The following ABCB5 variants were observed in gnomAD, a reference collection of about 807,000 sequenced individuals.
The protein encoded by ABCB5 is ATP-binding cassette sub-family B member 5.
A neutral mutation model predicts 144.2 loss-of-function variants in ABCB5; 155 were observed. That is an observed-to-expected ratio of 1.08 (90% CI 0.94 to 1.23). The LOEUF (loss-of-function observed/expected upper bound fraction) is 1.23, where lower values mean the gene tolerates loss of function less well. ABCB5 is among the 50% of genes most tolerant of loss of function. The pLI is 0.00. For missense variants in ABCB5, 1,830 were observed against 1,520.8 expected (o/e 1.20, Z -3.38); for synonymous variants, 610 against 528.6 (o/e 1.15, Z -2.11).
chr7:20,725,397 G>T (rs187958089), intron 21 of ABCB5, among the ~76,000 whole-genome samples: 10 of 152,314 alleles, frequency 6.6e-5, no homozygotes, highest in Admixed American at 6.5e-4. Context: ...TGACCAACAT[G>T]GTGAAACCCT....
chr7:20,718,367 G>A (rs1202291000), intron 20 of ABCB5, among the ~76,000 whole-genome samples: 1 of 152,134 alleles, frequency 6.6e-6, no homozygotes, highest in Non-Finnish European at 1.5e-5. Flanking sequence ...ATGCCAAATG[G>A]CATCCCCATT....
chr7:20,678,819 G>A (rs1785693340), intron 14 of ABCB5, among the ~76,000 whole-genome samples: 1 of 152,150 alleles, frequency 6.6e-6, no homozygotes, highest in African/African-American at 2.4e-5. Context: ...TACAAAAACA[G>A]ACACAAAACA....
At chr7:20,627,779 T>C (rs1260951463) in intron 3 of ABCB5, among the ~76,000 whole-genome samples, 1 of 152,210 alleles carries the variant, frequency 6.6e-6, no homozygotes, top group East Asian at 1.9e-4. Flanking sequence ...TTTTTACTAG[T>C]TAGCTCTGGT....
rs370537783 is a variant in ABCB5, at chr7:20,626,854, G to GGTGTGTGT, written c.108+274_108+281dup. On this transcript the variant is annotated intron_variant, in intron 3 of 27. Transcript: ENST00000404938. ...CTCAGTGTTTTAAAAGTGTTTTTGG[G>GGTGTGTGT]GTGTGTGTGTGTGTGTGTGTGTGTG... Among the ~76,000 whole-genome samples, 481 of 143,750 alleles carry GGTGTGTGT rather than the reference G, an allele frequency of 3.3e-3. 2 individuals are homozygous for GGTGTGTGT. The highest frequency in any genetic ancestry group is 7.6e-3 in the South Asian group (33 of 4,350). 94.3% of individuals were successfully genotyped at this position (143,750 alleles called of 152,430 possible).
At chr7:20,620,200 C>A (rs1245334170) in intron 1 of ABCB5, among the ~76,000 whole-genome samples, 1 of 152,082 alleles carries the variant, frequency 6.6e-6, no homozygotes, top group Admixed American at 6.5e-5. Context: ...TGGATATCCA[C>A]ATTCAAAAGA....
intron 14 of ABCB5, chr7:20,667,441 T>G (rs988232850): frequency 2.0e-6 from 2 of 985,434 alleles, no homozygotes; most frequent in African/African-American, 3.5e-5. Flanking sequence ...TCTCAGACCT[T>G]TTCTAGTTGC....
chr7:20,644,910 C>A (rs898145711), intron 7 of ABCB5, among the ~76,000 whole-genome samples: 1 of 152,182 alleles, frequency 6.6e-6, no homozygotes, highest in African/African-American at 2.4e-5. Context: ...AAATCTTCAT[C>A]CTCAACTTAT....
chr7:20,745,435 T>G lies in ABCB5; in HGVS notation c.3426T>G (p.Pro1142=), dbSNP rs1371758672. ...TCCATTCTTTTATTGAAGGTCTCCC[T>G]GAGGTAAGAAAATTTCTGAAATCTT... is the stretch of plus-strand genomic sequence containing the variant. ...ANIHSFIEGL[P]EKYNTQVGLK... The change falls in exon 26 of 28, where the codon CCT becomes CCG. Residue 1142 remains proline, a synonymous_variant. Transcript: ENST00000404938. 6.2e-6 allele frequency: 10 copies of G among 1,614,032 alleles called. No individual in the cohort carries two copies. The highest frequency in any genetic ancestry group is 6.8e-6 in the Non-Finnish European group (8 of 1,179,976).
At chr7:20,697,955 T>C (rs1158088951) in intron 16 of ABCB5, among the ~76,000 whole-genome samples, 1 of 152,246 alleles carries the variant, frequency 6.6e-6, no homozygotes, top group Non-Finnish European at 1.5e-5. Context: ...TAAATACATC[T>C]TGAAACTTTC....
chr7:20,663,486 A>T (rs1220274375), intron 14 of ABCB5, among the ~76,000 whole-genome samples: 8 of 152,200 alleles, frequency 5.3e-5, no homozygotes, highest in Non-Finnish European at 1.2e-4. Context: ...AAAACTGACA[A>T]AAAAGGATCC....
rs566554420 is a variant in ABCB5, at chr7:20,640,207, A to G, written c.315-2977A>G. ...GAAAATACAGTAAATTATTTATGAT[A>G]GTTAATGTTCTATTAAAGTTTCTGT... is the stretch of plus-strand genomic sequence containing the variant. On this transcript the variant is annotated intron_variant, in intron 5 of 27. Transcript: ENST00000404938. 2.0e-5 allele frequency among the ~76,000 whole-genome samples: 3 copies of G among 152,314 alleles called. No individual in the cohort carries two copies. The East Asian group carries it at 5.8e-4, about 29-fold the overall frequency.
intron 20 of ABCB5, among the ~76,000 whole-genome samples, chr7:20,711,112 A>G (rs1210025754): frequency 6.8e-6 from 1 of 147,762 alleles, no homozygotes; most frequent in Non-Finnish European, 1.5e-5. Context: ...GTTGTCATAC[A>G]GTCTCCTTCT....
chr7:20,720,412 C>T (rs982388037), intron 20 of ABCB5, among the ~76,000 whole-genome samples: 1 of 152,080 alleles, frequency 6.6e-6, no homozygotes, highest in African/African-American at 2.4e-5. Context: ...AACTTCATAG[C>T]GGAGAAACCT....
chr7:20,730,008 G>T (rs1782157798), intron 23 of ABCB5, among the ~76,000 whole-genome samples: 1 of 152,172 alleles, frequency 6.6e-6, no homozygotes, highest in African/African-American at 2.4e-5. Flanking sequence ...ATAATTTTTA[G>T]TTTCTATTCA....
intron 5 of ABCB5, among the ~76,000 whole-genome samples, chr7:20,635,637 T>C (rs185111113): frequency 1.1e-3 from 162 of 152,224 alleles, no homozygotes; most frequent in African/African-American, 3.6e-3. Flanking sequence ...CTTAGTTAAA[T>C]ATATTCTTAG....
chr7:20,656,823 A>G (rs1025768420), intron 13 of ABCB5, among the ~76,000 whole-genome samples: 3 of 152,120 alleles, frequency 2.0e-5, no homozygotes, highest in African/African-American at 7.2e-5. Flanking sequence ...AGCTTTATTT[A>G]TAATAGCCAA....
intron 14 of ABCB5, chr7:20,660,487 A>G: frequency 1.2e-6 from 1 of 846,642 alleles, no homozygotes; most frequent in Non-Finnish European, 1.4e-6. Flanking sequence ...TTAATCATAT[A>G]CTCTTCAGTT....
intron 7 of ABCB5, 150 bp from the exon 8 acceptor site, chr7:20,645,606 G>A (rs1784384077): frequency 1.0e-6 from 1 of 956,836 alleles, no homozygotes; most frequent in Non-Finnish European, 1.5e-6. Context: ...TTACCTCTTA[G>A]TATTTGAAGA....
intron 23 of ABCB5, 130 bp downstream of exon 23, chr7:20,728,585 C>T: frequency 9.1e-7 from 1 of 1,098,678 alleles, no homozygotes; most frequent in Admixed American, 3.1e-5. Flanking sequence ...AAAACCCCAT[C>T]TCTACTAAAA....
Sources: gnomAD v4.1 joint callset for allele counts (sites outside exome capture counted in the v4.1 genomes callset) on GRCh38, gnomAD v4.1.1 for gene constraint, MANE v1.5 for transcripts, NCBI Gene and HGNC (gene_info 2026-07-23, HGNC 2026-07-21) for gene names.